Variants in CDC14B observed in about 807,000 individuals in gnomAD.
CDC14B encodes the protein dual specificity protein phosphatase CDC14B.
CDC14B carries 22 observed loss-of-function variants against 64.2 expected under a neutral mutation model. That is an observed-to-expected ratio of 0.34 (90% CI 0.24 to 0.49). The LOEUF (loss-of-function observed/expected upper bound fraction) is 0.49, where lower values mean the gene tolerates loss of function less well. CDC14B is among the 20% of genes least tolerant of loss of function. CDC14B has a pLI of 0.99. For missense variants in CDC14B, 498 were observed against 629.9 expected (o/e 0.79, Z 2.24); for synonymous variants, 191 against 215.8 (o/e 0.89, Z 1.01).
At chr9:96,563,490 A>G (rs1176284152) in intron 3 of CDC14B, among the ~76,000 whole-genome samples, 1 of 152,064 alleles carries the variant, frequency 6.6e-6, no homozygotes, top group Non-Finnish European at 1.5e-5. Context: ...GTCTCTACTA[A>G]AAATACAAAA....
At chr9:96,548,107 G>A (rs965362286) in intron 5 of CDC14B, among the ~76,000 whole-genome samples, 2 of 152,136 alleles carry the variant, frequency 1.3e-5, no homozygotes, top group Non-Finnish European at 2.9e-5. Context: ...TTACAGGCGT[G>A]AGCCACAGCG....
intron 1 of CDC14B, among the ~76,000 whole-genome samples, chr9:96,615,147 G>C (rs1847545041): frequency 6.6e-6 from 1 of 152,172 alleles, no homozygotes; most frequent in African/African-American, 2.4e-5. Context: ...GGCCTACACT[G>C]TCTTTATGAC....
At chr9:96,573,318 C>CA (rs1051116132) in intron 1 of CDC14B, among the ~76,000 whole-genome samples, 8 of 151,116 alleles carry the variant, frequency 5.3e-5, no homozygotes, top group Admixed American at 1.3e-4. Context: ...CAAAACAAAA[C>CA]AAAAAAAATA....
Position 96,500,789 on chromosome 9 carries a change from T to A in CDC14B, c.*2964A>T, listed in dbSNP as rs2131211100. ...AGCTGTGTTAAGAACAGACATCCAA[T>A]GAGTGCACTGCTTCTGTGGCTCCAA... On this transcript the variant is annotated 3_prime_UTR_variant, in exon 14 of 14. Transcript: ENST00000375241. 1 of 152,288 alleles carries A rather than the reference T, an allele frequency of 6.6e-6. No individual in the cohort carries two copies. The highest frequency in any genetic ancestry group is 2.1e-4 in the South Asian group (1 of 4,820). The allele number at this position is 152,288 out of a possible 1,614,324, so 9.4% of individuals were successfully genotyped here. A position where few individuals can be genotyped will look rare whatever the true frequency, so the allele number is the denominator to read the frequency against.
At chr9:96,550,793 T>G (rs1841690997) in intron 5 of CDC14B, among the ~76,000 whole-genome samples, 1 of 152,200 alleles carries the variant, frequency 6.6e-6, no homozygotes, top group Admixed American at 6.5e-5. Context: ...TAAGCACTAG[T>G]CTTCTAGAAA....
chr9:96,551,311 G>A (rs143328371), intron 5 of CDC14B, among the ~76,000 whole-genome samples: 1 of 151,806 alleles, frequency 6.6e-6, no homozygotes, highest in African/African-American at 2.4e-5. Flanking sequence ...TTATAGAGAT[G>A]GGGTCTGTCT....
chr9:96,597,985 C>T lies in CDC14B; in HGVS notation c.160+21234G>A, dbSNP rs192869814. Among the ~76,000 whole-genome samples the T allele has an allele frequency of 6.3e-4, 96 of 152,236 alleles. No individual in the cohort carries two copies. In the East Asian group the frequency reaches 0.017, roughly 28 times the overall value. Reference sequence around the variant, plus strand: ...CTTGAGTACAATTATGACTTAAAATCCCGAAGCCATAATAGAAAAGATTAA... The same window carrying T: ...CTTGAGTACAATTATGACTTAAAATTCCGAAGCCATAATAGAAAAGATTAA... On this transcript the variant is annotated intron_variant, in intron 1 of 13. Transcript: ENST00000375241.
intron 5 of CDC14B, among the ~76,000 whole-genome samples, chr9:96,542,168 C>G (rs894072821): frequency 5.3e-5 from 8 of 152,216 alleles, no homozygotes; most frequent in African/African-American, 1.9e-4. Flanking sequence ...TTGGCTTTAA[C>G]AGCTGAGCCA....
rs1847837845 is a variant in CDC14B, at chr9:96,619,336, G to A, written c.43C>T (p.Pro15Ser). ...SERRSSWAAA[P>S]PCSRRCSSTS... ...GACGAGCAGCGCCGCGAGCAGGGGG[G>A]CGCGGCGGCCCAGCTCGACCGCCGC... Residue 15 changes from proline (P) to serine (S), a missense_variant, in exon 1 of 14, where the codon CCC (proline) becomes TCC (serine). Pro to Ser is a moderately conservative substitution (Grantham distance 74, BLOSUM62 -1). Transcript: ENST00000375241. 2.4e-6 allele frequency: 3 copies of A among 1,275,040 alleles called. No individual in the cohort carries two copies. The highest frequency in any genetic ancestry group is 3.0e-6 in the Non-Finnish European group (3 of 1,007,056). The allele number at this position is 1,275,040 out of a possible 1,614,324, so 79.0% of individuals were successfully genotyped here. A position where few individuals can be genotyped will look rare whatever the true frequency, so the allele number is the denominator to read the frequency against.
intron 12 of CDC14B, among the ~76,000 whole-genome samples, chr9:96,520,549 G>A (rs1422447434): frequency 6.6e-6 from 1 of 152,104 alleles, no homozygotes; most frequent in African/African-American, 2.4e-5. Context: ...CAGATTCAGA[G>A]GGTGACTAAA....
chr9:96,605,473 G>T (rs572778113), intron 1 of CDC14B, among the ~76,000 whole-genome samples: 32 of 152,262 alleles, frequency 2.1e-4, no homozygotes, highest in Admixed American at 7.2e-4. Context: ...GGCTCCCAGG[G>T]TTCCCCTGCG....
At chr9:96,605,733 T>C (rs1438094076) in intron 1 of CDC14B, among the ~76,000 whole-genome samples, 1 of 152,160 alleles carries the variant, frequency 6.6e-6, no homozygotes, top group African/African-American at 2.4e-5. Flanking sequence ...CAGGGGCTCA[T>C]GCCTGTAATC....
intron 5 of CDC14B, among the ~76,000 whole-genome samples, chr9:96,543,429 C>T (rs1840373056): frequency 6.6e-6 from 1 of 152,098 alleles, no homozygotes; most frequent in Admixed American, 6.5e-5. Flanking sequence ...CAGCTGTGCC[C>T]TACCTTCTTT....
At chr9:96,527,857 C>T (rs935661480) in intron 9 of CDC14B, among the ~76,000 whole-genome samples, 3 of 152,012 alleles carry the variant, frequency 2.0e-5, no homozygotes, top group Non-Finnish European at 2.9e-5. Context: ...CCTCGTGATC[C>T]GCCCACCTCA....
At chr9:96,531,510 GTCT>G (rs1458553161) in intron 9 of CDC14B, among the ~76,000 whole-genome samples, 6 of 151,942 alleles carry the variant, frequency 3.9e-5, no homozygotes, top group East Asian at 1.9e-4. Context: ...AGTAATTTGA[GTCT>G]TCTTCCTTTT....
chr9:96,585,332 G>T (rs978312028), intron 1 of CDC14B, among the ~76,000 whole-genome samples: 2 of 151,796 alleles, frequency 1.3e-5, no homozygotes, highest in South Asian at 4.2e-4. Context: ...CATGCATTAG[G>T]TATTTGTCCT....
chr9:96,579,704 A>G (rs540178377), intron 1 of CDC14B, among the ~76,000 whole-genome samples: 16 of 152,286 alleles, frequency 1.1e-4, no homozygotes, highest in Middle Eastern at 3.4e-3. Context: ...AGGCCTCAGC[A>G]GAAGCCAACC....
At chr9:96,495,007 T>C (rs1208366797) in intron 13 of CDC14B, among the ~76,000 whole-genome samples, 1 of 151,706 alleles carries the variant, frequency 6.6e-6, no homozygotes, top group African/African-American at 2.4e-5. Context: ...GCTAATTTTT[T>C]GTATTTTTAG....
At chr9:96,539,354 T>C (rs1839729484) in intron 6 of CDC14B, among the ~76,000 whole-genome samples, 1 of 152,212 alleles carries the variant, frequency 6.6e-6, no homozygotes, top group South Asian at 2.1e-4. Context: ...ATAAGTTTGT[T>C]GTGTTTTGTT....
Sources: gnomAD v4.1 joint callset for allele counts (sites outside exome capture counted in the v4.1 genomes callset) on GRCh38, gnomAD v4.1.1 for gene constraint, MANE v1.5 for transcripts, NCBI Gene and HGNC (gene_info 2026-07-23, HGNC 2026-07-21) for gene names.